Variants in SPTBN2 observed in about 807,000 individuals in gnomAD.
SPTBN2 encodes spectrin beta, non-erythrocytic 2.
SPTBN2 carries 107 observed loss-of-function variants against 284.2 expected under a neutral mutation model. The ratio of observed to expected loss-of-function variants is 0.38; its 90% confidence interval spans 0.32 to 0.44. The LOEUF (loss-of-function observed/expected upper bound fraction) is 0.44. SPTBN2 is among the 20% of genes least tolerant of loss of function. The pLI, the probability that SPTBN2 is intolerant of heterozygous loss-of-function variation, is 1.00. For synonymous variants in SPTBN2, 1,289 were observed against 1,354.8 expected, an observed-to-expected ratio of 0.95 and a Z score of 1.07; for missense variants, 2,569 against 3,287.1, an observed-to-expected ratio of 0.78 and a Z score of 5.34.
chr11:66,723,913 G>A (rs1456452182), intron 1 of SPTBN2, among the ~76,000 whole-genome samples: 1 of 152,120 alleles, frequency 6.6e-6, no homozygotes, highest in African/African-American at 2.4e-5. Context: ...TCTCAGATTA[G>A]TGCTTCCTAA....
At chr11:66,730,346 G>A (rs1036352361), upstream of SPTBN2, among the ~76,000 whole-genome samples, 3 of 151,880 alleles carry the variant, frequency 2.0e-5, no homozygotes, top group Non-Finnish European at 2.9e-5. Context: ...CACTTTGGGA[G>A]GCCGAGGCAG....
chr11:66,699,409 CT>C lies in SPTBN2; in HGVS notation c.3772del (p.Arg1258GlyfsTer33). On this transcript the variant is annotated frameshift_variant, in exon 18 of 38. Coordinates refer to ENST00000533211, the MANE Select transcript of SPTBN2 (RefSeq NM_006946.4). LOFTEE classifies it high-confidence loss of function. Reference sequence around the variant, plus strand: ...TCATGGACTGTCCTCATCAGACCTCCTCTCAATGGAGTCTGCCTTTTCCCGA... The same window carrying C: ...TCATGGACTGTCCTCATCAGACCTCCCTCAATGGAGTCTGCCTTTTCCCGA... The part of the protein sequence containing the change: ...KIREKADSIE[R>X]RHKKNQDAAQ... 1 of 1,614,106 alleles carries C rather than the reference CT, an allele frequency of 6.2e-7. No homozygotes were observed. Among genetic ancestry groups the C allele is most frequent in the Non-Finnish European group, 8.5e-7 (1 of 1,180,028 alleles).
At chr11:66,724,809 C>A (rs553525285) in intron 1 of SPTBN2, among the ~76,000 whole-genome samples, 16 of 152,316 alleles carry the variant, frequency 1.1e-4, no homozygotes, top group Admixed American at 3.9e-4. Flanking sequence ...ACCTCCCTAC[C>A]TACCCGAGTC....
Position 66,687,960 on chromosome 11 carries a change from G to A in SPTBN2, c.6451-42C>T. 2.5e-6 allele frequency: 4 copies of A among 1,614,186 alleles called. No homozygotes were observed. Among genetic ancestry groups the A allele is most frequent in the Non-Finnish European group, 3.4e-6 (4 of 1,180,016 alleles). On this transcript the variant is annotated intron_variant, in intron 33 of 37. Transcript: ENST00000533211. The surrounding 1 kb of genome is among the most constrained non-coding windows in gnomAD (Gnocchi z 5.2). The stretch of plus-strand genomic sequence containing the variant: ...CTGTAAAAGGATGTGCGGGGGTGGA[G>A]GGGCTACGACTCCGATGGGGGCACA...
intron 25 of SPTBN2, 63 bp downstream of exon 25, chr11:66,692,907 G>A (rs1226017543): frequency 1.1e-5 from 17 of 1,597,666 alleles, no homozygotes; most frequent in Admixed American, 1.7e-5. Flanking sequence ...CACATTCCCT[G>A]CACCTTCCTG....
At chr11:66,722,323 C>T (rs1942448603) in intron 1 of SPTBN2, among the ~76,000 whole-genome samples, 1 of 151,508 alleles carries the variant, frequency 6.6e-6, no homozygotes, top group Non-Finnish European at 1.5e-5. Context: ...GCCTGTAATC[C>T]CAGCACTTTG....
At chr11:66,726,238 C>T (rs557751460) in intron 1 of SPTBN2, among the ~76,000 whole-genome samples, 8 of 152,290 alleles carry the variant, frequency 5.3e-5, no homozygotes, top group African/African-American at 1.9e-4. Context: ...TTGGAGAAGA[C>T]CTGCTCCTGG....
intron 22 of SPTBN2, 41 bp downstream of exon 22, chr11:66,694,098 T>C (rs1940749958): frequency 6.3e-7 from 1 of 1,597,578 alleles, no homozygotes; most frequent in East Asian, 2.2e-5. Context: ...GAGAACCACA[T>C]GGCTGGGGGC....
intron 1 of SPTBN2, among the ~76,000 whole-genome samples, chr11:66,743,491 T>C (rs1942917606): frequency 6.6e-6 from 1 of 152,200 alleles, no homozygotes; most frequent in South Asian, 2.1e-4. Context: ...ACCCTTCTCC[T>C]TGGGCAACTC....
chr11:66,690,393 G>A lies in SPTBN2; in HGVS notation c.5566-110C>T, dbSNP rs575419966. 2.8e-6 allele frequency: 4 copies of A among 1,411,546 alleles called. No homozygotes were observed. The East Asian group carries it at 7.5e-5, about 26-fold the overall frequency. 87.4% of individuals were successfully genotyped at this position (1,411,546 alleles called of 1,614,324 possible). On this transcript the variant is annotated intron_variant, in intron 27 of 37. Transcript: ENST00000533211. Reference sequence around the variant, plus strand: ...TCCTGCCTGTCTCACAGCCAAAGAAGCAGGGGGAGGAGCCAGGGAGTGGGG... The same window carrying A: ...TCCTGCCTGTCTCACAGCCAAAGAAACAGGGGGAGGAGCCAGGGAGTGGGG...
At chr11:66,689,756 G>A (rs200766736) in intron 29 of SPTBN2, 49 bp downstream of exon 29, 23 of 1,609,318 alleles carry the variant, frequency 1.4e-5, no homozygotes, top group East Asian at 6.7e-5. Flanking sequence ...AGAAGTCAGC[G>A]TTCAGCACTG....
intron 5 of SPTBN2, among the ~76,000 whole-genome samples, chr11:66,714,933 G>C (rs560993828): frequency 6.6e-6 from 1 of 152,346 alleles, no homozygotes; most frequent in Admixed American, 6.5e-5. Context: ...AAAACTTCCA[G>C]TCTCCTGTGG....
In SPTBN2 at chr11:66,683,950, T is replaced by C. The variant is rs1939943316; in HGVS notation, c.*1921A>G. ...CACTTAGTCCCATGACAGATTGTTC[T>C]AGTTACGCGTATCCACCTGTTGGCT... On this transcript the variant is annotated 3_prime_UTR_variant, in exon 38 of 38. Transcript: ENST00000533211. 6.6e-6 allele frequency among the ~76,000 whole-genome samples: 1 copy of C among 152,242 alleles called. No individual in the cohort carries two copies. The highest frequency in any genetic ancestry group is 2.1e-4 in the South Asian group (1 of 4,836).
chr11:66,720,052 C>G (rs1942322744), intron 3 of SPTBN2, among the ~76,000 whole-genome samples: 1 of 152,160 alleles, frequency 6.6e-6, no homozygotes, highest in Admixed American at 6.5e-5. Flanking sequence ...TTGAAAAATC[C>G]TGAGTTCTGG....
Position 66,699,561 on chromosome 11 carries a change from A to T in SPTBN2, c.3621T>A (p.Ala1207=). Residue 1207 remains alanine, a synonymous_variant, in exon 18 of 38, where the codon GCT becomes GCA. Coordinates refer to ENST00000533211, the MANE Select transcript of SPTBN2 (RefSeq NM_006946.4). ...HTEMPGTLQA[A]DAAIKKLEDF... ...CCTCCAGTTTTTTAATGGCAGCATC[A>T]GCAGCCTGGAGTGTCCCTGGCATCT... 1 of 1,614,188 alleles carries T rather than the reference A, an allele frequency of 6.2e-7. No individual in the cohort carries two copies. The highest frequency in any genetic ancestry group is 1.1e-5 in the South Asian group (1 of 91,090).
At chr11:66,686,190 G>A in intron 37 of SPTBN2, 86 bp from the exon 38 acceptor site, 2 of 1,449,282 alleles carry the variant, frequency 1.4e-6, no homozygotes, top group Non-Finnish European at 1.9e-6. Context: ...AAGAGGAGGA[G>A]GCAGAAAGTG....
At chr11:66,699,181 G>C in intron 18 of SPTBN2, 99 bp from the exon 19 acceptor site, 1 of 1,458,484 alleles carries the variant, frequency 6.9e-7, no homozygotes, top group South Asian at 1.2e-5. Context: ...GGGGAATAAC[G>C]CCTTCCGGGA....
In SPTBN2 at chr11:66,708,828, G is replaced by A. The variant is rs1420719613; in HGVS notation, c.1191+74C>T. On this transcript the variant is annotated intron_variant, in intron 11 of 37. Coordinates refer to ENST00000533211, the MANE Select transcript of SPTBN2 (RefSeq NM_006946.4). The surrounding 1 kb of genome is among the most constrained non-coding windows in gnomAD (Gnocchi z 4.4). Reference sequence around the variant, plus strand: ...CTTGGTGAAGGTCGACATGGCCCCGGGTTTGGGGATGTGTGCAAGGCATCT... The same window carrying A: ...CTTGGTGAAGGTCGACATGGCCCCGAGTTTGGGGATGTGTGCAAGGCATCT... 7.2e-6 allele frequency: 9 copies of A among 1,248,544 alleles called. No homozygotes were observed. Among genetic ancestry groups the A allele is most frequent in the Non-Finnish European group, 8.2e-6 (7 of 854,306 alleles). The allele number at this position is 1,248,544 out of a possible 1,614,324, so 77.3% of individuals were successfully genotyped here. A position where few individuals can be genotyped will look rare whatever the true frequency, so the allele number is the denominator to read the frequency against.
chr11:66,707,703 G>C lies in SPTBN2; in HGVS notation c.1466C>G (p.Ala489Gly). 1.2e-6 allele frequency: 2 copies of C among 1,605,046 alleles called. No individual in the cohort carries two copies. Among genetic ancestry groups the C allele is most frequent in the Non-Finnish European group, 1.7e-6 (2 of 1,178,974 alleles). Residue 489 changes from alanine to glycine, a missense_variant, in exon 13 of 38, where the codon GCA becomes GGA. Physicochemically the swap from Ala to Gly is moderately conservative, Grantham distance 60 (BLOSUM62 0). Transcript: ENST00000533211. The surrounding 1 kb of genome is among the most constrained non-coding windows in gnomAD (Gnocchi z 4.9). ...GRVQAVDAVA[A>G]ELAAERYHDI... The stretch of plus-strand genomic sequence containing the variant: ...GTGGTAGCGCTCGGCGGCCAGCTCT[G>C]CAGCCACGGCGTCCACTGCCTGCAC...
Sources: allele counts gnomAD v4.1 joint callset (sites outside exome capture counted in the v4.1 genomes callset), GRCh38; gene constraint gnomAD v4.1.1; non-coding constraint Gnocchi (gnomAD v3.1); transcripts MANE v1.5; gene names NCBI Gene and HGNC (gene_info 2026-07-23, HGNC 2026-07-21).